The following METTL15 variants were observed in gnomAD, a reference collection of about 807,000 sequenced individuals.
METTL15 encodes the protein 12S rRNA N(4)-cytidine methyltransferase METTL15.
In METTL15, 34 loss-of-function variants were observed where a neutral mutation model predicts 38.3. That is an observed-to-expected ratio of 0.89 (90% CI 0.68 to 1.18). The LOEUF is 1.18. Among genes scored for constraint, METTL15 ranks in the 50% most tolerant of loss-of-function variants. The probability of loss-of-function intolerance (pLI) is 0.00; values close to 1 mark genes in which losing one functional copy is unlikely to be tolerated. For missense variants in METTL15, 438 were observed against 498.4 expected, an observed-to-expected ratio of 0.88 and a Z score of 1.15; for synonymous variants, 162 against 170.9, an observed-to-expected ratio of 0.95 and a Z score of 0.41.
intron 6 of METTL15, among the ~76,000 whole-genome samples, chr11:28,307,617 C>T (rs1857127614): frequency 6.6e-6 from 1 of 151,848 alleles, no homozygotes; most frequent in Admixed American, 6.6e-5. Context: ...GCTAAATATG[C>T]CATAAAATAC....
At chr11:28,527,738 T>C (rs1851821783), downstream of METTL15, among the ~76,000 whole-genome samples, 1 of 152,176 alleles carries the variant, frequency 6.6e-6, no homozygotes, top group African/African-American at 2.4e-5. Flanking sequence ...ACAAAAGAAG[T>C]AGGTGCTAAC....
chr11:28,114,849 A>G (rs142253291), intron 3 of METTL15, among the ~76,000 whole-genome samples: 105 of 152,282 alleles, frequency 6.9e-4, no homozygotes, highest in African/African-American at 2.3e-3. Context: ...GGCTGTGACA[A>G]ACTGTTTCTC....
At chr11:28,138,819 G>C (rs1849600752) in intron 3 of METTL15, among the ~76,000 whole-genome samples, 1 of 152,172 alleles carries the variant, frequency 6.6e-6, no homozygotes, top group African/African-American at 2.4e-5. Context: ...TTACTGCCCA[G>C]TTTGCTGGTT....
intron 3 of METTL15, among the ~76,000 whole-genome samples, chr11:28,159,961 A>G (rs1272606194): frequency 1.3e-5 from 2 of 152,092 alleles, no homozygotes; most frequent in Non-Finnish European, 2.9e-5. Flanking sequence ...TGTCTATGAG[A>G]GTATTGCCAA....
chr11:28,514,386 C>G (rs746092495), intron 6 of METTL15, among the ~76,000 whole-genome samples: 2 of 152,154 alleles, frequency 1.3e-5, no homozygotes, highest in Non-Finnish European at 2.9e-5. Flanking sequence ...AGGGAAGTCA[C>G]TTGAAGATAT....
chr11:28,201,703 G>A (rs921931551), intron 3 of METTL15, among the ~76,000 whole-genome samples: 2 of 149,750 alleles, frequency 1.3e-5, no homozygotes, highest in Admixed American at 6.7e-5. Flanking sequence ...ATGGTAGTTT[G>A]TATTTCTGGG....
At chr11:28,496,123 C>G (rs1851533629) in intron 6 of METTL15, among the ~76,000 whole-genome samples, 1 of 152,160 alleles carries the variant, frequency 6.6e-6, no homozygotes. Flanking sequence ...CTAATAAAGA[C>G]ATACCTGAGA....
intron 5 of METTL15, among the ~76,000 whole-genome samples, chr11:28,402,190 G>A (rs1590362394): frequency 6.6e-6 from 1 of 151,888 alleles, no homozygotes; most frequent in East Asian, 1.9e-4. Context: ...ATGTCATTCT[G>A]CCTCCTTCCT....
chr11:28,412,444 CGAGA>C (rs369213584), intron 5 of METTL15, among the ~76,000 whole-genome samples: 1 of 146,484 alleles, frequency 6.8e-6, no homozygotes, highest in African/African-American at 2.5e-5. Context: ...AGAGACCAAA[CGAGA>C]GAGAGAGAGA....
Position 28,411,610 on chromosome 11 carries a change from A to C in METTL15, c.*359-12689A>C, listed in dbSNP as rs185487475. Among the ~76,000 whole-genome samples the C allele has an allele frequency of 1.8e-4, 26 of 143,660 alleles. No individual in the cohort carries two copies. In the East Asian group the frequency reaches 3.1e-3, roughly 17 times the overall value. The allele number at this position is 143,660 out of a possible 152,430, so 94.2% of individuals were successfully genotyped here. On this transcript the variant is annotated intron_variant and NMD_transcript_variant, in intron 5 of 7. Coordinates refer to the METTL15 transcript ENST00000532947. Reference sequence around the variant, plus strand: ...AATGGATGGATAAAAGACCTAAATAAATGTAAGACTTGAAGCTCTAAAATT... The same window carrying C: ...AATGGATGGATAAAAGACCTAAATACATGTAAGACTTGAAGCTCTAAAATT...
At chr11:28,328,218 A>C in intron 6 of METTL15, 1 of 1,543,414 alleles carries the variant, frequency 6.5e-7, no homozygotes, top group Non-Finnish European at 8.8e-7. Context: ...TGTTCCTGAG[A>C]GACCTGGTTG....
chr11:28,273,798 G>C (rs1181782191), intron 4 of METTL15, among the ~76,000 whole-genome samples: 1 of 151,992 alleles, frequency 6.6e-6, no homozygotes, highest in African/African-American at 2.4e-5. Flanking sequence ...TATTTTATTA[G>C]TATAGGAAGT....
At chr11:28,130,714 G>A (rs987747859) in intron 3 of METTL15, among the ~76,000 whole-genome samples, 3 of 152,152 alleles carry the variant, frequency 2.0e-5, no homozygotes, top group Non-Finnish European at 4.4e-5. Flanking sequence ...CTGTTTATAA[G>A]TACAAACACT....
intron 3 of METTL15, among the ~76,000 whole-genome samples, chr11:28,351,811 G>T (rs906914081): frequency 6.6e-6 from 1 of 152,182 alleles, no homozygotes; most frequent in African/African-American, 2.4e-5. Context: ...CTTAAAGAAA[G>T]AAAGCTCACA....
intron 3 of METTL15, among the ~76,000 whole-genome samples, chr11:28,191,547 C>A (rs1851700912): frequency 6.6e-6 from 1 of 151,126 alleles, no homozygotes; most frequent in Non-Finnish European, 1.5e-5. Context: ...TTTAAAAAAT[C>A]TTTATATAAA....
intron 3 of METTL15, among the ~76,000 whole-genome samples, chr11:28,172,675 T>G (rs986071501): frequency 9.2e-5 from 14 of 152,256 alleles, no homozygotes; most frequent in Non-Finnish European, 1.8e-4. Flanking sequence ...AAAGAAAGAC[T>G]GAATCAGTTT....
chr11:28,392,605 T>A (rs1346633238), intron 5 of METTL15, among the ~76,000 whole-genome samples: 1 of 152,110 alleles, frequency 6.6e-6, no homozygotes, highest in Non-Finnish European at 1.5e-5. Context: ...TGCAGTGATT[T>A]ATTGGATATA....
At chr11:28,240,184 C>G (rs1043558724) in intron 4 of METTL15, among the ~76,000 whole-genome samples, 1 of 152,158 alleles carries the variant, frequency 6.6e-6, no homozygotes, top group African/African-American at 2.4e-5. Flanking sequence ...TGAGCTACTT[C>G]AGTTTCATTA....
At chr11:28,455,069 G>A (rs2585804) in intron 6 of METTL15, among the ~76,000 whole-genome samples, 151,248 of 152,266 alleles carry the variant, frequency 0.99, 75,130 homozygotes, top group Middle Eastern at 1. Context: ...AAGATACTCA[G>A]GTCCCCTGAA....
Sources: allele counts gnomAD v4.1 joint callset (sites outside exome capture counted in the v4.1 genomes callset), GRCh38; gene constraint gnomAD v4.1.1; transcripts MANE v1.5; gene names NCBI Gene and HGNC (gene_info 2026-07-23, HGNC 2026-07-21).